The following SPHKAP variants were observed in gnomAD, a reference collection of about 807,000 sequenced individuals.
The protein encoded by SPHKAP is SPHK1 interactor, AKAP domain containing, also known as A-kinase anchor protein SPHKAP.
Under a neutral mutation model 137.5 loss-of-function variants are expected in SPHKAP, and 67 were observed. The ratio of observed to expected loss-of-function variants is 0.49; its 90% CI spans 0.40 to 0.60. SPHKAP has a LOEUF of 0.60. Among genes scored for constraint, SPHKAP ranks in the 20% least tolerant of loss-of-function variants. The probability of loss-of-function intolerance (pLI) is 0.00; values close to 1 mark genes in which losing one functional copy is unlikely to be tolerated. For missense variants in SPHKAP, 2,097 were observed against 2,069.3 expected, an observed-to-expected ratio of 1.01 and a Z score of -0.26; for synonymous variants, 813 against 785.3, an observed-to-expected ratio of 1.04 and a Z score of -0.59.
At chr2:228,119,456 T>TACACACAC (rs55846474) in intron 2 of SPHKAP, among the ~76,000 whole-genome samples, 6 of 137,324 alleles carry the variant, frequency 4.4e-5, no homozygotes, top group Admixed American at 1.5e-4. Flanking sequence ...AAGCCTAGTA[T>TACACACAC]ACACACACAC....
chr2:227,981,250 G>A lies in SPHKAP; in HGVS notation c.*467C>T, dbSNP rs1471810073. Reference sequence around the variant, plus strand: ...TGGGGATTTCTCACCCATATCTTAAGTATTTCTCCGGGCTGGCAGCCCCTT... The same window carrying A: ...TGGGGATTTCTCACCCATATCTTAAATATTTCTCCGGGCTGGCAGCCCCTT... On this transcript the variant is annotated 3_prime_UTR_variant, in exon 12 of 12. Transcript: ENST00000392056. 1 of 152,326 alleles carries A rather than the reference G, an allele frequency of 6.6e-6. No homozygotes were observed. Among genetic ancestry groups the A allele is most frequent in the African/African-American group, 2.4e-5 (1 of 41,454 alleles). 9.4% of individuals were successfully genotyped at this position (152,326 alleles called of 1,614,324 possible).
At chr2:228,154,508 C>CTATATATA (rs1331355468) in intron 1 of SPHKAP, among the ~76,000 whole-genome samples, 175 of 34,522 alleles carry the variant, frequency 5.1e-3, no homozygotes, top group East Asian at 0.023. Context: ...CTCTCTCTCT[C>CTATATATA]TCTCTATATA....
Position 228,178,433 on chromosome 2 carries a change from C to T in SPHKAP, c.32+3134G>A, listed in dbSNP as rs147226674. 2.1e-3 allele frequency among the ~76,000 whole-genome samples: 314 copies of T among 152,202 alleles called. 1 individual carries two copies. The highest frequency in any genetic ancestry group is 6.6e-3 in the African/African-American group (275 of 41,530). Reference sequence around the variant, plus strand: ...ACTTGATAACACCTTACGAAACACACGCTAGTTACCAATATAAAAGTGAGA... The same window carrying T: ...ACTTGATAACACCTTACGAAACACATGCTAGTTACCAATATAAAAGTGAGA... On this transcript the variant is annotated intron_variant, in intron 1 of 11. Coordinates refer to ENST00000392056, the MANE Select transcript of SPHKAP (RefSeq NM_001142644.2).
intron 1 of SPHKAP, among the ~76,000 whole-genome samples, chr2:228,138,720 T>G (rs1302975357): frequency 6.6e-6 from 1 of 152,158 alleles, no homozygotes; most frequent in Non-Finnish European, 1.5e-5. Flanking sequence ...CCTAGACCAG[T>G]AAAATAAAAA....
intron 3 of SPHKAP, among the ~76,000 whole-genome samples, chr2:228,080,933 T>C (rs1207420374): frequency 1.3e-5 from 2 of 152,096 alleles, no homozygotes; most frequent in African/African-American, 2.4e-5. Flanking sequence ...GAAAACAGTA[T>C]GGAGGTTCCT....
intron 7 of SPHKAP, among the ~76,000 whole-genome samples, chr2:228,009,237 T>G (rs1201620989): frequency 6.6e-6 from 1 of 152,202 alleles, no homozygotes; most frequent in Non-Finnish European, 1.5e-5. Context: ...AATCTGCAGT[T>G]TTATTTGTGC....
At chr2:228,158,838 C>A (rs149838268) in intron 1 of SPHKAP, among the ~76,000 whole-genome samples, 74 of 152,246 alleles carry the variant, frequency 4.9e-4, no homozygotes, top group African/African-American at 1.8e-3. Context: ...TTACAATTAG[C>A]CCAAATTATC....
At chr2:228,140,725 T>A (rs1376663328) in intron 1 of SPHKAP, among the ~76,000 whole-genome samples, 1 of 152,102 alleles carries the variant, frequency 6.6e-6, no homozygotes, top group African/African-American at 2.4e-5. Context: ...ATGAATGGCT[T>A]AGCACCGTCT....
chr2:228,050,069 G>T (rs188037008), intron 3 of SPHKAP, among the ~76,000 whole-genome samples: 61 of 152,152 alleles, frequency 4.0e-4, no homozygotes, highest in African/African-American at 1.3e-3. Flanking sequence ...CGTACAAGTG[G>T]CCCACAAACA....
At chr2:228,112,860 G>A (rs1327015616) in intron 2 of SPHKAP, among the ~76,000 whole-genome samples, 1 of 152,144 alleles carries the variant, frequency 6.6e-6, no homozygotes, top group Non-Finnish European at 1.5e-5. Context: ...TATCCTAGAA[G>A]TGAGGAAAAT....
At chr2:228,172,090 A>G (rs1700603688) in intron 1 of SPHKAP, among the ~76,000 whole-genome samples, 1 of 152,046 alleles carries the variant, frequency 6.6e-6, no homozygotes, top group Admixed American at 6.6e-5. Context: ...AATGTATAAT[A>G]TATAATAAAT....
At position 228,017,048 on chromosome 2, in the gene SPHKAP, T is replaced by C; in HGVS notation, c.3806A>G (p.Gln1269Arg). 2 of 1,614,038 alleles carry C rather than the reference T, an allele frequency of 1.2e-6. No homozygotes were observed. The highest frequency in any genetic ancestry group is 1.7e-6 in the Non-Finnish European group (2 of 1,179,974). The change falls in exon 7 of 12, where the codon CAA (glutamine) becomes CGA (arginine). Residue 1269 changes from glutamine (Q) to arginine (R), a missense_variant. Coordinates refer to ENST00000392056, the MANE Select transcript of SPHKAP (RefSeq NM_001142644.2). ...GACCGGCTGCACGCTTAGGAAATCT[T>C]GTGGGCAGTTCTGAGCAAAGCCATC... is the stretch of plus-strand genomic sequence containing the variant. ...SLDGFAQNCP[Q>R]DFLSVQPVSS... is the part of the protein sequence containing the mutation.
chr2:228,178,591 T>C (rs1231102556), intron 1 of SPHKAP, among the ~76,000 whole-genome samples: 1 of 152,072 alleles, frequency 6.6e-6, no homozygotes, highest in Non-Finnish European at 1.5e-5. Flanking sequence ...ATCAAATCAA[T>C]TTTCCATAAA....
At chr2:228,077,416 G>C (rs116446913) in intron 3 of SPHKAP, among the ~76,000 whole-genome samples, 2,091 of 152,314 alleles carry the variant, frequency 0.014, 26 homozygotes, top group Non-Finnish European at 0.023. Flanking sequence ...AAGCCACAGG[G>C]GAAGAGGTGT....
At chr2:228,101,446 A>G (rs561873975) in intron 3 of SPHKAP, among the ~76,000 whole-genome samples, 1 of 152,140 alleles carries the variant, frequency 6.6e-6, no homozygotes, top group Admixed American at 6.5e-5. Context: ...AGTCTTCATG[A>G]TGTAGATGTC....
At chr2:228,099,245 C>A (rs1282859986) in intron 3 of SPHKAP, among the ~76,000 whole-genome samples, 1 of 152,172 alleles carries the variant, frequency 6.6e-6, no homozygotes, top group Non-Finnish European at 1.5e-5. Context: ...CTTTCTTCTG[C>A]ATATGGCTAG....
chr2:228,128,659 T>G (rs992699341), intron 2 of SPHKAP, among the ~76,000 whole-genome samples: 4 of 152,172 alleles, frequency 2.6e-5, no homozygotes, highest in African/African-American at 9.6e-5. Context: ...ATGCAGTTCT[T>G]AAACATTAAC....
At chr2:228,027,747 C>G (rs190959549) in intron 3 of SPHKAP, among the ~76,000 whole-genome samples, 163 of 152,092 alleles carry the variant, frequency 1.1e-3, no homozygotes, top group African/African-American at 3.6e-3. Context: ...GCGGGCAGAT[C>G]ACGAGGTCAG....
chr2:228,034,152 AAG>A (rs973526812), intron 3 of SPHKAP, among the ~76,000 whole-genome samples: 1 of 152,184 alleles, frequency 6.6e-6, no homozygotes, highest in Non-Finnish European at 1.5e-5. Context: ...TAAAGAAGAA[AAG>A]AGAGAAGAAT....
Sources: gnomAD v4.1 joint callset for allele counts (sites outside exome capture counted in the v4.1 genomes callset) on GRCh38, gnomAD v4.1.1 for gene constraint, MANE v1.5 for transcripts, NCBI Gene and HGNC (gene_info 2026-07-23, HGNC 2026-07-21) for gene names.